LPP: variants seen among roughly 807,000 people sequenced by gnomAD.
LPP encodes LIM domain containing preferred translocation partner in lipoma, also known as lipoma-preferred partner.
In LPP, 38 loss-of-function variants were observed where a neutral mutation model predicts 60.4. That is an observed-to-expected ratio of 0.63 (90% CI 0.49 to 0.83). The LOEUF is 0.83. LPP is among the 40% of genes least tolerant of loss of function. The pLI is 0.00. For missense variants in LPP, 902 were observed against 783.6 expected (o/e 1.15, Z -1.80); for synonymous variants, 328 against 290.8 (o/e 1.13, Z -1.30).
At chr3:188,484,099 A>T (rs1441902018) in intron 4 of LPP, among the ~76,000 whole-genome samples, 2 of 152,060 alleles carry the variant, frequency 1.3e-5, no homozygotes, top group Non-Finnish European at 2.9e-5. Context: ...TCTACCAAGG[A>T]TGGACGTACC....
chr3:188,174,050 T>C (rs1722372492), intron 1 of LPP, among the ~76,000 whole-genome samples: 1 of 152,206 alleles, frequency 6.6e-6, no homozygotes, highest in African/African-American at 2.4e-5. Context: ...GTGCCCACTT[T>C]TAGCACAGCC....
intron 5 of LPP, among the ~76,000 whole-genome samples, chr3:188,518,450 A>G (rs1426674969): frequency 6.6e-6 from 1 of 152,208 alleles, no homozygotes; most frequent in East Asian, 1.9e-4. Flanking sequence ...CTAAGTTATC[A>G]GGGAAAGCTT....
At chr3:188,468,607 A>C (rs1038091299) in intron 4 of LPP, among the ~76,000 whole-genome samples, 6 of 152,244 alleles carry the variant, frequency 3.9e-5, no homozygotes, top group Non-Finnish European at 7.4e-5. Flanking sequence ...GAAGGAACTC[A>C]AGTGATTGGA....
chr3:188,520,285 C>A (rs1818510359), intron 5 of LPP, among the ~76,000 whole-genome samples: 1 of 152,210 alleles, frequency 6.6e-6, no homozygotes, highest in Middle Eastern at 3.2e-3. Context: ...CCCCACCTCG[C>A]ATCTTCCCCT....
At chr3:188,814,405 A>C (rs1751911280) in intron 9 of LPP, among the ~76,000 whole-genome samples, 1 of 152,172 alleles carries the variant, frequency 6.6e-6, no homozygotes, top group African/African-American at 2.4e-5. Context: ...CTAGGAATAA[A>C]TGTTAAATCT....
At chr3:188,526,155 T>C (rs2150208385) in intron 6 of LPP, among the ~76,000 whole-genome samples, 1 of 152,376 alleles carries the variant, frequency 6.6e-6, no homozygotes, top group East Asian at 1.9e-4. Flanking sequence ...ATAGAGCCTC[T>C]GAGCCTCACT....
intron 6 of LPP, among the ~76,000 whole-genome samples, chr3:188,539,028 A>G (rs985474724): frequency 1.3e-5 from 2 of 152,172 alleles, no homozygotes; most frequent in Non-Finnish European, 2.9e-5. Flanking sequence ...GACAATACAG[A>G]GTGGCTACTA....
rs566744239 is a variant in LPP at position 188,238,210 on chromosome 3, G to A, written c.-67+12683G>A. ...TTTTGCCTTCATAGAATTGAACAGA[G>A]TTAGGGCCTTGCTCTGGATTAGGCT... On this transcript the variant is annotated intron_variant, in intron 2 of 11. Coordinates refer to ENST00000617246, the MANE Select transcript of LPP (RefSeq NM_001375462.1). Among the ~76,000 whole-genome samples the A allele has an allele frequency of 1.5e-4, 23 of 152,316 alleles. No individual in the cohort carries two copies. The South Asian group carries it at 2.7e-3, about 18-fold the overall frequency.
intron 2 of LPP, chr3:188,240,090 C>G (rs576194597): frequency 5.1e-6 from 1 of 196,466 alleles, no homozygotes; most frequent in South Asian, 1.9e-4. Context: ...GTTCATGGAG[C>G]TGGCAGATGG....
chr3:188,503,727 A>AT (rs1274684288), intron 5 of LPP, among the ~76,000 whole-genome samples: 6 of 150,338 alleles, frequency 4.0e-5, no homozygotes, highest in East Asian at 2.0e-4. Flanking sequence ...GTGGTTGATA[A>AT]TTTTTTTTCC....
At chr3:188,436,899 G>T (rs1191478779) in intron 4 of LPP, among the ~76,000 whole-genome samples, 1 of 152,074 alleles carries the variant, frequency 6.6e-6, no homozygotes, top group Non-Finnish European at 1.5e-5. Flanking sequence ...CAGCTTTAAT[G>T]GAGACAGGCG....
intron 9 of LPP, among the ~76,000 whole-genome samples, chr3:188,822,073 G>A (rs4686997): frequency 0.24 from 37,002 of 151,882 alleles, 6,078 homozygotes; most frequent in East Asian, 0.81. Flanking sequence ...TAAAGATTCA[G>A]GATGTAATAA....
chr3:188,388,190 G>T (rs1778829015), intron 3 of LPP, among the ~76,000 whole-genome samples: 1 of 152,030 alleles, frequency 6.6e-6, no homozygotes, highest in Admixed American at 6.6e-5. Flanking sequence ...CTTATAAAAG[G>T]TTCTAGAACA....
At chr3:188,799,469 C>T (rs1047044680) in intron 9 of LPP, among the ~76,000 whole-genome samples, 8 of 152,174 alleles carry the variant, frequency 5.3e-5, no homozygotes, top group Non-Finnish European at 8.8e-5. Context: ...CTTTGCCATT[C>T]ACTGCTTTCC....
At chr3:188,238,789 T>TA (rs1344366224) in intron 2 of LPP, among the ~76,000 whole-genome samples, 1 of 152,196 alleles carries the variant, frequency 6.6e-6, no homozygotes, top group Admixed American at 6.5e-5. Context: ...TTGTGATAGT[T>TA]ACCAAAAGGT....
At chr3:188,631,631 A>G (rs1387183420) in intron 7 of LPP, among the ~76,000 whole-genome samples, 3 of 152,054 alleles carry the variant, frequency 2.0e-5, no homozygotes, top group Non-Finnish European at 2.9e-5. Flanking sequence ...GTCTCTATGC[A>G]TTTTACTCCT....
intron 7 of LPP, among the ~76,000 whole-genome samples, chr3:188,623,698 T>A (rs1050037665): frequency 2.0e-5 from 3 of 152,252 alleles, no homozygotes; most frequent in African/African-American, 7.2e-5. Context: ...TAAAAAATTG[T>A]CACTGCTGTG....
chr3:188,651,239 G>C (rs1452730555), intron 7 of LPP, among the ~76,000 whole-genome samples: 1 of 152,136 alleles, frequency 6.6e-6, no homozygotes, highest in Non-Finnish European at 1.5e-5. Context: ...CTGCCTTCCA[G>C]GAACCCTTAG....
intron 8 of LPP, 184 bp downstream of exon 8, chr3:188,708,577 AT>A (rs1865942295): frequency 2.7e-6 from 2 of 740,680 alleles, no homozygotes; most frequent in African/African-American, 3.5e-5. Context: ...CATAGATGTG[AT>A]GTCTACTTAG....
Sources: gnomAD v4.1 joint callset for allele counts (sites outside exome capture counted in the v4.1 genomes callset) on GRCh38, gnomAD v4.1.1 for gene constraint, MANE v1.5 for transcripts, NCBI Gene and HGNC (gene_info 2026-07-23, HGNC 2026-07-21) for gene names.